The following POGLUT3 variants were observed in gnomAD, a reference collection of about 807,000 sequenced individuals.
The protein encoded by POGLUT3 is protein O-glucosyltransferase 3, also known as KDEL (Lys-Asp-Glu-Leu) containing 2.
POGLUT3 carries 48 observed loss-of-function variants against 54.3 expected under a neutral mutation model. That is an observed-to-expected ratio of 0.88 (90% CI 0.70 to 1.12). The LOEUF (loss-of-function observed/expected upper bound fraction) is 1.12. POGLUT3 is among the 50% of genes most tolerant of loss of function. The probability of loss-of-function intolerance (pLI) is 0.00; values close to 1 mark genes in which losing one functional copy is unlikely to be tolerated. For missense variants in POGLUT3, 629 were observed against 618.7 expected (o/e 1.02, Z -0.18); for synonymous variants, 218 against 237.4 (o/e 0.92, Z 0.75).
intron 1 of POGLUT3, 141 bp from the exon 2 acceptor site, chr11:108,491,308 G>T: frequency 1.5e-6 from 1 of 669,690 alleles, no homozygotes; most frequent in Non-Finnish European, 2.5e-6. Context: ...TCCTTTGGAA[G>T]ATCTTTGAGG....
At chr11:108,481,939 T>C in intron 4 of POGLUT3, 67 bp downstream of exon 4, 1 of 1,222,978 alleles carries the variant, frequency 8.2e-7, no homozygotes, top group East Asian at 2.3e-5. Context: ...AATGCAAACA[T>C]ATATGTATAA....
intron 7 of POGLUT3, among the ~76,000 whole-genome samples, chr11:108,475,563 G>A (rs1440059834): frequency 6.9e-6 from 1 of 145,652 alleles, no homozygotes; most frequent in Non-Finnish European, 1.5e-5. Flanking sequence ...AACATCCTAG[G>A]CTCAAGTGAT....
rs2135856533 is a variant in POGLUT3 at position 108,486,316 on chromosome 11, G to C, written c.525C>G (p.Leu175=). Residue 175 remains leucine (L), a synonymous_variant, in exon 3 of 8, where the codon CTC becomes CTG. Coordinates refer to ENST00000323468, the MANE Select transcript of POGLUT3 (RefSeq NM_153705.5). ...TGGGGACTTCTTTTAGCATTTGCTG[G>C]AGATTGATGCTGGGAAAGGAAGCAA... ...KDFASFPSIN[L]QQMLKEVPKR... The C allele has an allele frequency of 6.2e-7, 1 of 1,614,156 alleles. No individual in the cohort carries two copies. The highest frequency in any genetic ancestry group is 1.3e-5 in the African/African-American group (1 of 75,030).
At chr11:108,485,987 A>G (rs2093602557) in intron 3 of POGLUT3, among the ~76,000 whole-genome samples, 170 bp downstream of exon 3, 1 of 152,170 alleles carries the variant, frequency 6.6e-6, no homozygotes, top group Non-Finnish European at 1.5e-5. Context: ...ATCTTACAGG[A>G]AAGTAAGATC....
chr11:108,475,854 A>G (rs1018746028), intron 7 of POGLUT3, among the ~76,000 whole-genome samples: 56 of 152,176 alleles, frequency 3.7e-4, no homozygotes, highest in African/African-American at 1.3e-3. Context: ...AAATGTTGAC[A>G]CAGTAGATAA....
chr11:108,479,415 T>C lies in POGLUT3; in HGVS notation c.1179A>G (p.Leu393=). 1 of 1,613,076 alleles carries C rather than the reference T, an allele frequency of 6.2e-7. No individual in the cohort carries two copies. The highest frequency in any genetic ancestry group is 8.5e-7 in the Non-Finnish European group (1 of 1,179,860). The change falls in exon 6 of 8, where the codon TTA becomes TTG. Residue 393 remains leucine, a synonymous_variant. Coordinates refer to ENST00000323468, the MANE Select transcript of POGLUT3 (RefSeq NM_153705.5). ...PYLMLGDSLV[L]KQDSPYYEHF... is the part of the protein sequence containing the mutation. ...GTTCATAATATGGCGAGTCCTGCTTTAAAACCAGACTGTCGCCCAGCATGA... is the reference window on the plus strand; with the variant it reads ...GTTCATAATATGGCGAGTCCTGCTTCAAAACCAGACTGTCGCCCAGCATGA...
rs563826244 is a variant in POGLUT3, at chr11:108,481,230, C to A, written c.1048G>T (p.Glu350Ter). 1 of 1,611,574 alleles carries A rather than the reference C, an allele frequency of 6.2e-7. No individual in the cohort carries two copies. The highest frequency in any genetic ancestry group is 1.3e-5 in the African/African-American group (1 of 74,626). ...AACTTGGCTTTTCCAAGCTCCTTTT[C>A]TTTCTCTTGGAAAAAGAAATATCCT... ...ITGYFFFQEK[E>*]KELGKAKLMG... The change falls in exon 5 of 8, where the codon GAA (glutamate) becomes TAA (stop). Residue 350 changes from glutamate (E) to a stop codon, truncating the protein, a stop_gained. Coordinates refer to ENST00000323468, the MANE Select transcript of POGLUT3 (RefSeq NM_153705.5). LOFTEE classifies it high-confidence loss of function.
At chr11:108,493,736 G>A (rs1168085577) in intron 1 of POGLUT3, among the ~76,000 whole-genome samples, 11 of 150,488 alleles carry the variant, frequency 7.3e-5, no homozygotes, top group Admixed American at 1.3e-4. Context: ...CCCAGGAGGC[G>A]GAGGTTGCAG....
At chr11:108,494,282 A>G (rs2093618344) in intron 1 of POGLUT3, among the ~76,000 whole-genome samples, 1 of 152,188 alleles carries the variant, frequency 6.6e-6, no homozygotes, top group Non-Finnish European at 1.5e-5. Flanking sequence ...TAGGAAGCTC[A>G]TTAAGGCCCT....
intron 7 of POGLUT3, among the ~76,000 whole-genome samples, chr11:108,476,285 C>T (rs1471174607): frequency 1.3e-5 from 2 of 152,166 alleles, no homozygotes; most frequent in Non-Finnish European, 2.9e-5. Flanking sequence ...AGGCATGTGC[C>T]ACCACACCTG....
intron 3 of POGLUT3, among the ~76,000 whole-genome samples, chr11:108,485,317 T>G (rs977289286): frequency 6.6e-6 from 1 of 152,148 alleles, no homozygotes; most frequent in Non-Finnish European, 1.5e-5. Context: ...AGGAGTAGTA[T>G]TCAGCGGAAC....
intron 5 of POGLUT3, among the ~76,000 whole-genome samples, 161 bp from the exon 6 acceptor site, chr11:108,479,656 A>G (rs1271657636): frequency 6.6e-6 from 1 of 152,190 alleles, no homozygotes; most frequent in East Asian, 1.9e-4. Context: ...TTCTCTTTGT[A>G]TAAAAATCAC....
Position 108,482,176 on chromosome 11 carries a change from G to A in POGLUT3, c.731C>T (p.Pro244Leu). ...LEFYVNLGDW[P>L]LEHRKVNGTP... Reference sequence around the variant, plus strand: ...TCCATTGACTTTTCGATGCTCCAAGGGCCAATCTCCAAGATTAACATAAAA... The same window carrying A: ...TCCATTGACTTTTCGATGCTCCAAGAGCCAATCTCCAAGATTAACATAAAA... Residue 244 changes from proline (P) to leucine (L), a missense_variant, in exon 4 of 8, where the codon CCC becomes CTC. By Grantham distance (98) the Pro-to-Leu change is moderately conservative (BLOSUM62 -3). Coordinates refer to ENST00000323468, the MANE Select transcript of POGLUT3 (RefSeq NM_153705.5). 1.2e-6 allele frequency: 2 copies of A among 1,613,936 alleles called. No individual in the cohort carries two copies. Among genetic ancestry groups the A allele is most frequent in the Non-Finnish European group, 1.7e-6 (2 of 1,179,954 alleles).
intron 6 of POGLUT3, among the ~76,000 whole-genome samples, chr11:108,478,320 AC>A (rs1364905975): frequency 6.6e-6 from 1 of 152,048 alleles, no homozygotes; most frequent in African/African-American, 2.4e-5. Flanking sequence ...CAGTGCAACA[AC>A]CCACATGCAG....
At position 108,498,256 on chromosome 11, in the gene POGLUT3, G is replaced by C; in HGVS notation, c.111C>G (p.Pro37=). The change falls in exon 1 of 8, where the codon CCC becomes CCG. Residue 37 remains proline, a synonymous_variant. Coordinates refer to ENST00000323468, the MANE Select transcript of POGLUT3 (RefSeq NM_153705.5). Reference sequence around the variant, plus strand: ...GCAGGACGACGGCCGCCTGCAGCCCGGGCCCCCACACCAGGCTCCGCGGCG... The same window carrying C: ...GCAGGACGACGGCCGCCTGCAGCCCCGGCCCCCACACCAGGCTCCGCGGCG... The part of the protein sequence containing the change: ...VSAPRSLVWG[P]GLQAAVVLPV... 6.7e-7 allele frequency: 1 copy of C among 1,503,724 alleles called. No individual in the cohort carries two copies. The highest frequency in any genetic ancestry group is 1.3e-5 in the South Asian group (1 of 79,460). 93.1% of individuals were successfully genotyped at this position (1,503,724 alleles called of 1,614,324 possible). A position where few individuals can be genotyped will look rare whatever the true frequency, so the allele number is the denominator to read the frequency against.
chr11:108,483,214 C>T (rs979417486), intron 3 of POGLUT3, among the ~76,000 whole-genome samples: 1 of 152,240 alleles, frequency 6.6e-6, no homozygotes. Flanking sequence ...CATTCAAGGC[C>T]TCACAATCTT....
At chr11:108,493,215 G>A (rs887263256) in intron 1 of POGLUT3, among the ~76,000 whole-genome samples, 13 of 152,078 alleles carry the variant, frequency 8.5e-5, no homozygotes, top group South Asian at 2.1e-4. Flanking sequence ...ATTTTTTGTC[G>A]CTGAAATATC....
chr11:108,489,758 C>CA (rs1169558241), intron 2 of POGLUT3, among the ~76,000 whole-genome samples: 2 of 151,940 alleles, frequency 1.3e-5, no homozygotes, highest in Non-Finnish European at 2.9e-5. Context: ...CCTGTAGAAA[C>CA]AAAAAAATGT....
intron 1 of POGLUT3, among the ~76,000 whole-genome samples, chr11:108,495,326 ACGCCTGGCTGATATTT>A (rs1460628148): frequency 1.3e-5 from 2 of 152,150 alleles, no homozygotes; most frequent in Non-Finnish European, 2.9e-5. Flanking sequence ...GTGCACTACC[ACGCCTGGCTGATATTT>A]TGGATTTTTT....
Sources: allele counts gnomAD v4.1 joint callset (sites outside exome capture counted in the v4.1 genomes callset), GRCh38; gene constraint gnomAD v4.1.1; transcripts MANE v1.5; gene names NCBI Gene and HGNC (gene_info 2026-07-23, HGNC 2026-07-21).